Variants in INTS13 observed in about 807,000 individuals in gnomAD.
The protein encoded by INTS13 is asunder, spermatogenesis regulator homolog (Drosphila).
A neutral mutation model predicts 90.2 loss-of-function variants in INTS13; 35 were observed. The ratio of observed to expected loss-of-function variants is 0.39; its 90% CI spans 0.30 to 0.51. INTS13 has a LOEUF of 0.51. INTS13 is among the 20% of genes least tolerant of loss of function. INTS13 has a pLI of 0.80. For synonymous variants in INTS13, 309 were observed against 277.1 expected (o/e 1.11, Z -1.14); for missense variants, 601 against 851.2 (o/e 0.71, Z 3.66).
At chr12:26,917,582 C>A in intron 9 of INTS13, 62 bp downstream of exon 9, 1 of 1,417,574 alleles carries the variant, frequency 7.1e-7, no homozygotes, top group South Asian at 1.2e-5. Context: ...ATAAATTGAC[C>A]CCCATATAAT....
At chr12:26,921,817 G>A (rs987129051) in intron 8 of INTS13, among the ~76,000 whole-genome samples, 2 of 152,122 alleles carry the variant, frequency 1.3e-5, no homozygotes, top group African/African-American at 4.8e-5. Flanking sequence ...CACCACACCT[G>A]GCTAATTTTT....
chr12:26,912,171 A>G (rs1951795236), intron 14 of INTS13, among the ~76,000 whole-genome samples: 1 of 152,198 alleles, frequency 6.6e-6, no homozygotes, highest in South Asian at 2.1e-4. Flanking sequence ...GCAGTGGCTC[A>G]TGCCTGTAAT....
chr12:26,928,606 CGTAAACAT>C lies in INTS13; in HGVS notation c.503+89_503+96del, dbSNP rs1938016967. On this transcript the variant is annotated intron_variant, in intron 4 of 16. Coordinates refer to ENST00000261191, the MANE Select transcript of INTS13 (RefSeq NM_018164.3). ...AAAGGCCACTTGTAATATGCTTAAA[CGTAAACAT>C]GTAAACATGCTGTCTCTACTATTCT... is the stretch of plus-strand genomic sequence containing the variant. The C allele has an allele frequency of 3.2e-6, 4 of 1,268,106 alleles. No homozygotes were observed. In the African/African-American group the frequency reaches 4.5e-5, roughly 14 times the overall value. 78.6% of individuals were successfully genotyped at this position (1,268,106 alleles called of 1,614,324 possible).
chr12:26,924,292 C>T, intron 7 of INTS13, 63 bp downstream of exon 7: 2 of 1,568,302 alleles, frequency 1.3e-6, no homozygotes, highest in Non-Finnish European at 1.7e-6. Flanking sequence ...CACGCCTGGC[C>T]TCAAACAAAT....
At chr12:26,925,714 T>C (rs1341004238) in intron 6 of INTS13, 47 bp downstream of exon 6, 2 of 1,406,748 alleles carry the variant, frequency 1.4e-6, no homozygotes, top group Non-Finnish European at 2.0e-6. Flanking sequence ...TCAGTATTTA[T>C]TATTATTAAC....
intron 2 of INTS13, among the ~76,000 whole-genome samples, chr12:26,935,243 A>T (rs1938399879): frequency 6.6e-6 from 1 of 152,220 alleles, no homozygotes; most frequent in Non-Finnish European, 1.5e-5. Flanking sequence ...GTAAAATGCA[A>T]ATTTGAAAAT....
At position 26,905,318 on chromosome 12, in the gene INTS13, A is replaced by G. The variant is rs542144179; in HGVS notation, c.*179T>C. ...TGGGAGGACAAATCATCTCAAATGT[A>G]TATTTTTGAATTATGTGCCAATTTT... On this transcript the variant is annotated 3_prime_UTR_variant, in exon 17 of 17. Coordinates refer to ENST00000261191, the MANE Select transcript of INTS13 (RefSeq NM_018164.3). 69 of 561,298 alleles carry G rather than the reference A, an allele frequency of 1.2e-4. No homozygotes were observed. The highest frequency in any genetic ancestry group is 8.0e-4 in the Middle Eastern group (2 of 2,504). 34.8% of individuals were successfully genotyped at this position (561,298 alleles called of 1,614,324 possible).
In INTS13 at chr12:26,913,357, T is replaced by C. The variant is rs528138642; in HGVS notation, c.1805+100A>G. On this transcript the variant is annotated intron_variant, in intron 14 of 16. Transcript: ENST00000261191. The stretch of plus-strand genomic sequence containing the variant: ...TGAAAATGAATAAACATGTATTAAA[T>C]GAACTACTATTAAATCAGGTTTGAA... 6.4e-6 allele frequency: 5 copies of C among 776,066 alleles called. No individual in the cohort carries two copies. The Admixed American group carries it at 1.1e-4, about 18-fold the overall frequency. 48.1% of individuals were successfully genotyped at this position (776,066 alleles called of 1,614,324 possible).
intron 3 of INTS13, among the ~76,000 whole-genome samples, chr12:26,933,133 CA>C (rs1374856294): frequency 1.3e-5 from 2 of 152,038 alleles, no homozygotes; most frequent in Non-Finnish European, 2.9e-5. Context: ...ATTAAAAGTA[CA>C]ATCAAATAGA....
At chr12:26,937,054 A>C (rs1938502419) in intron 1 of INTS13, among the ~76,000 whole-genome samples, 1 of 152,200 alleles carries the variant, frequency 6.6e-6, no homozygotes, top group Non-Finnish European at 1.5e-5. Context: ...CAGTGCATGC[A>C]TTTTTGGTTT....
intron 15 of INTS13, 106 bp from the exon 16 acceptor site, chr12:26,906,543 C>T: frequency 8.8e-7 from 1 of 1,130,454 alleles, no homozygotes; most frequent in Non-Finnish European, 1.3e-6. Context: ...TCATTTTACA[C>T]AATTAAGGCA....
At chr12:26,933,332 T>C (rs770678835) in intron 3 of INTS13, among the ~76,000 whole-genome samples, 10 of 152,080 alleles carry the variant, frequency 6.6e-5, no homozygotes, top group Non-Finnish European at 1.2e-4. Context: ...TTCCCTGTAC[T>C]GGAAAATACA....
intron 8 of INTS13, among the ~76,000 whole-genome samples, chr12:26,919,264 A>G (rs1259847286): frequency 6.6e-6 from 1 of 152,190 alleles, no homozygotes. Context: ...CTGTGGCAGG[A>G]GGAAGCATGA....
intron 3 of INTS13, 30 bp from the exon 4 acceptor site, chr12:26,928,935 C>G (rs1938036863): frequency 6.3e-7 from 1 of 1,592,446 alleles, no homozygotes; most frequent in African/African-American, 1.3e-5. Flanking sequence ...ATTATGTTGA[C>G]AAGAGTATGT....
Position 26,911,302 on chromosome 12 carries a change from T to A in INTS13, c.1821A>T (p.Leu607Phe). The change falls in exon 15 of 17, where the codon TTA becomes TTT. Residue 607 changes from leucine (L) to phenylalanine (F), a missense_variant. Physicochemically the swap from Leu to Phe is conservative, Grantham distance 22 (BLOSUM62 0). Transcript: ENST00000261191. ...CAGCCAATTCTTCTTTTCCACGCTCTAAGATTCCTTTTAATCTTTTAGAGG... is the reference window on the plus strand; with the variant it reads ...CAGCCAATTCTTCTTTTCCACGCTCAAAGATTCCTTTTAATCTTTTAGAGG... ...WQDSERLKGILERGKEELAEA... is the reference protein window; with the variant it reads ...WQDSERLKGIFERGKEELAEA... 1 of 1,610,970 alleles carries A rather than the reference T, an allele frequency of 6.2e-7. No individual in the cohort carries two copies. Among genetic ancestry groups the A allele is most frequent in the South Asian group, 1.1e-5 (1 of 90,254 alleles).
intron 1 of INTS13, 38 bp from the exon 2 acceptor site, chr12:26,936,852 A>T: frequency 1.5e-6 from 2 of 1,321,420 alleles, no homozygotes; most frequent in Non-Finnish European, 2.1e-6. Context: ...ATATTTGTAC[A>T]TAACATCTTA....
In INTS13 at chr12:26,936,822, G is replaced by A. The variant is rs1301848062; in HGVS notation, c.-11-8C>T. The A allele has an allele frequency of 6.4e-7, 1 of 1,567,134 alleles. No homozygotes were observed. The highest frequency in any genetic ancestry group is 1.4e-5 in the African/African-American group (1 of 73,818). On this transcript the variant is annotated splice_polypyrimidine_tract_variant and splice_region_variant and intron_variant, in intron 1 of 16. Coordinates refer to ENST00000261191, the MANE Select transcript of INTS13 (RefSeq NM_018164.3). ...TCTTCATTTTGTTTTAACCTGTAAG[G>A]GGAAAAACATATTAGCCAAATATTT...
At chr12:26,930,398 A>G (rs1173909339) in intron 3 of INTS13, among the ~76,000 whole-genome samples, 1 of 152,248 alleles carries the variant, frequency 6.6e-6, no homozygotes, top group East Asian at 1.9e-4. Flanking sequence ...AACTTACTAC[A>G]AAACAATGGT....
At position 26,917,603 on chromosome 12, in the gene INTS13, C is replaced by T. The variant is rs376306322; in HGVS notation, c.979+41G>A. On this transcript the variant is annotated intron_variant, in intron 9 of 16. Transcript: ENST00000261191. The stretch of plus-strand genomic sequence containing the variant: ...TGACCCCCATATAATACCTTAAGAA[C>T]CTTTTGATTTCGTCTTTTTCAGTTA... 33 of 1,547,738 alleles carry T rather than the reference C, an allele frequency of 2.1e-5. 1 individual carries two copies. The South Asian group carries it at 3.0e-4, about 14-fold the overall frequency.
Sources: allele counts gnomAD v4.1 joint callset (sites outside exome capture counted in the v4.1 genomes callset), GRCh38; gene constraint gnomAD v4.1.1; transcripts MANE v1.5; gene names NCBI Gene and HGNC (gene_info 2026-07-23, HGNC 2026-07-21).